Variants in DCC observed in about 807,000 individuals in gnomAD.
DCC encodes DCC netrin 1 receptor, also known as netrin receptor DCC.
A neutral mutation model predicts 172.5 loss-of-function variants in DCC; 58 were observed. The ratio of observed to expected loss-of-function variants is 0.34; its 90% CI spans 0.27 to 0.42. The LOEUF is 0.42. Among genes scored for constraint, DCC ranks in the 10% least tolerant of loss-of-function variants. The pLI, the probability that DCC is intolerant of heterozygous loss-of-function variation, is 1.00. For synonymous variants in DCC, 709 were observed against 644.5 expected, an observed-to-expected ratio of 1.10 and a Z score of -1.52; for missense variants, 1,740 against 1,791.0, an observed-to-expected ratio of 0.97 and a Z score of 0.51.
At chr18:52,342,341 C>G (rs1271485557) in intron 1 of DCC, among the ~76,000 whole-genome samples, 2 of 152,018 alleles carry the variant, frequency 1.3e-5, no homozygotes, top group African/African-American at 2.4e-5. Flanking sequence ...CCCGCATCCC[C>G]GCGCTTAGCC....
intron 16 of DCC, among the ~76,000 whole-genome samples, chr18:53,390,042 C>T (rs772521685): frequency 2.0e-5 from 3 of 152,156 alleles, no homozygotes; most frequent in Non-Finnish European, 4.4e-5. Flanking sequence ...AAAGTAGCAC[C>T]TGCTTTAATT....
intron 2 of DCC, among the ~76,000 whole-genome samples, chr18:52,835,163 T>C (rs1466623585): frequency 1.3e-5 from 2 of 152,214 alleles, no homozygotes; most frequent in African/African-American, 2.4e-5. Context: ...GTGAGAGTAG[T>C]GTGTTATTTA....
At chr18:52,802,606 G>A (rs2038012940) in intron 2 of DCC, among the ~76,000 whole-genome samples, 1 of 123,612 alleles carries the variant, frequency 8.1e-6, no homozygotes, top group South Asian at 2.8e-4. Context: ...AGCTTTCTGA[G>A]TAATCGGAAC....
At chr18:52,941,369 G>A (rs557801505) in intron 5 of DCC, among the ~76,000 whole-genome samples, 5 of 152,076 alleles carry the variant, frequency 3.3e-5, no homozygotes, top group South Asian at 4.2e-4. Flanking sequence ...TTTAATAAAG[G>A]TAGTACTCAG....
At chr18:52,841,286 T>TA (rs369740348) in intron 2 of DCC, among the ~76,000 whole-genome samples, 22,979 of 147,654 alleles carry the variant, frequency 0.16, 1,966 homozygotes, top group African/African-American at 0.23. Context: ...GTTTTCTGCT[T>TA]AAAAAAAAAA....
chr18:52,455,716 A>G (rs1160478223), intron 1 of DCC, among the ~76,000 whole-genome samples: 1 of 152,170 alleles, frequency 6.6e-6, no homozygotes, highest in Non-Finnish European at 1.5e-5. Flanking sequence ...TGTTTCCTCA[A>G]CTGTAAAATG....
chr18:53,354,197 A>G (rs1186823211), intron 15 of DCC, among the ~76,000 whole-genome samples: 1 of 152,106 alleles, frequency 6.6e-6, no homozygotes, highest in Non-Finnish European at 1.5e-5. Context: ...AGTCTTTGCT[A>G]TTGTGAATAG....
chr18:53,453,352 CT>C (rs1268137497), intron 23 of DCC, among the ~76,000 whole-genome samples: 6 of 152,186 alleles, frequency 3.9e-5, no homozygotes. Context: ...ATAAGATCCC[CT>C]CCAAAGCTCT....
chr18:52,959,024 T>A (rs1252806043), intron 5 of DCC, among the ~76,000 whole-genome samples: 1 of 152,114 alleles, frequency 6.6e-6, no homozygotes, highest in East Asian at 1.9e-4. Flanking sequence ...GTTAGTGTAT[T>A]TTTTGTGTGG....
chr18:52,432,486 C>T (rs1476624669), intron 1 of DCC, among the ~76,000 whole-genome samples: 1 of 152,130 alleles, frequency 6.6e-6, no homozygotes, highest in African/African-American at 2.4e-5. Flanking sequence ...CTCTGTTGCT[C>T]TTCGTGCAAG....
At chr18:53,345,466 CTT>C (rs549260494) in intron 15 of DCC, among the ~76,000 whole-genome samples, 6 of 152,020 alleles carry the variant, frequency 3.9e-5, no homozygotes, top group Non-Finnish European at 8.8e-5. Context: ...ATTAGACAGT[CTT>C]ATATATTTAT....
At chr18:52,877,714 A>G (rs2039424233) in intron 2 of DCC, among the ~76,000 whole-genome samples, 2 of 152,002 alleles carry the variant, frequency 1.3e-5, no homozygotes, top group Non-Finnish European at 2.9e-5. Context: ...TAAAAAAAAA[A>G]ATTAGTAAAG....
intron 27 of DCC, among the ~76,000 whole-genome samples, chr18:53,504,371 C>T (rs2046142594): frequency 1.3e-5 from 2 of 152,084 alleles, no homozygotes; most frequent in African/African-American, 2.4e-5. Flanking sequence ...ATTTTAAAGG[C>T]CAGTCAGATA....
chr18:53,470,748 G>T (rs1202054720), intron 25 of DCC, among the ~76,000 whole-genome samples: 1 of 152,054 alleles, frequency 6.6e-6, no homozygotes, highest in Admixed American at 6.6e-5. Flanking sequence ...AAAACGAAGG[G>T]GGAAGAGCCC....
intron 2 of DCC, among the ~76,000 whole-genome samples, chr18:52,845,164 TAGG>T (rs1201221395): frequency 3.3e-5 from 5 of 152,244 alleles, no homozygotes; most frequent in Admixed American, 3.3e-4. Flanking sequence ...AAGCAGCCCT[TAGG>T]AGAGATCTGA....
In DCC at chr18:52,939,647, T is replaced by C. The variant is rs74324465; in HGVS notation, c.985+14277T>C. On this transcript the variant is annotated intron_variant, in intron 5 of 28. Coordinates refer to ENST00000442544, the MANE Select transcript of DCC (RefSeq NM_005215.4). Reference sequence around the variant, plus strand: ...TTGATTTCTCTTTTCATAGTCTCAATATATTATGGAGATACTATTTTTAAT... The same window carrying C: ...TTGATTTCTCTTTTCATAGTCTCAACATATTATGGAGATACTATTTTTAAT... Among the ~76,000 whole-genome samples, 10 of 152,316 alleles carry C rather than the reference T, an allele frequency of 6.6e-5. No individual in the cohort carries two copies. The East Asian group carries it at 1.9e-3, about 29-fold the overall frequency.
At chr18:53,189,646 T>G (rs539857191) in intron 9 of DCC, among the ~76,000 whole-genome samples, 1 of 152,358 alleles carries the variant, frequency 6.6e-6, no homozygotes, top group South Asian at 2.1e-4. Flanking sequence ...AAATCATATT[T>G]GCTATGCTCT....
intron 1 of DCC, among the ~76,000 whole-genome samples, chr18:52,463,879 T>C (rs1469082017): frequency 1.3e-5 from 2 of 152,226 alleles, no homozygotes; most frequent in Non-Finnish European, 2.9e-5. Flanking sequence ...TTAATAGCTA[T>C]AAATATGAGT....
intron 1 of DCC, among the ~76,000 whole-genome samples, chr18:52,371,218 T>G (rs1985108623): frequency 6.6e-6 from 1 of 152,220 alleles, no homozygotes; most frequent in Non-Finnish European, 1.5e-5. Flanking sequence ...TATGTATTTT[T>G]ATATTTCCAG....
Sources: allele counts gnomAD v4.1 joint callset (sites outside exome capture counted in the v4.1 genomes callset), GRCh38; gene constraint gnomAD v4.1.1; transcripts MANE v1.5; gene names NCBI Gene and HGNC (gene_info 2026-07-23, HGNC 2026-07-21).